TENM2: variants seen among roughly 807,000 people sequenced by gnomAD.
The protein encoded by TENM2 is teneurin-2.
In TENM2, 52 loss-of-function variants were observed where a neutral mutation model predicts 245.2. That is an observed-to-expected ratio of 0.21 (90% CI 0.17 to 0.27). The LOEUF (loss-of-function observed/expected upper bound fraction) is 0.27, where lower values mean the gene tolerates loss of function less well. TENM2 is among the 10% of genes least tolerant of loss of function. The probability of loss-of-function intolerance (pLI) is 1.00; values close to 1 mark genes in which losing one functional copy is unlikely to be tolerated. For synonymous variants in TENM2, 1,363 were observed against 1,438.9 expected (o/e 0.95, Z 1.19); for missense variants, 3,046 against 3,666.8 (o/e 0.83, Z 4.37).
chr5:167,719,528 T>C lies in TENM2; in HGVS notation c.503-156458T>C, dbSNP rs75711427. Among the ~76,000 whole-genome samples the C allele has an allele frequency of 0.012, 1,796 of 152,324 alleles. 57 individuals carry two copies. In the East Asian group the frequency reaches 0.12, roughly 10 times the overall value. Reference sequence around the variant, plus strand: ...AAGGAGGTAAAAGGTGAAGTGCATGTTTGATGAACTGAGAATGAGTGCAGA... The same window carrying C: ...AAGGAGGTAAAAGGTGAAGTGCATGCTTGATGAACTGAGAATGAGTGCAGA... On this transcript the variant is annotated intron_variant, in intron 2 of 28. Transcript: ENST00000518659.
In TENM2 at chr5:167,378,946, C is replaced by CA. The variant is rs553664650; in HGVS notation, c.502+3479dup. ...TCCAGAAAGGGAAAAAACAAAAAAA[C>CA]AAAAAACAAAGAAAATAAAGTTGGT... On this transcript the variant is annotated intron_variant, in intron 2 of 28. Transcript: ENST00000518659. Among the ~76,000 whole-genome samples, 332 of 121,946 alleles carry CA rather than the reference C, an allele frequency of 2.7e-3. 7 individuals carry two copies. The highest frequency in any genetic ancestry group is 0.021 in the Admixed American group (248 of 11,776). The allele number at this position is 121,946 out of a possible 152,430, so 80.0% of individuals were successfully genotyped here. A position where few individuals can be genotyped will look rare whatever the true frequency, so the allele number is the denominator to read the frequency against.
chr5:167,864,192 A>T (rs905828232), intron 2 of TENM2, among the ~76,000 whole-genome samples: 4 of 152,198 alleles, frequency 2.6e-5, no homozygotes, highest in African/African-American at 9.6e-5. Flanking sequence ...TCCCTAAAGC[A>T]CATAGCAAAA....
chr5:168,125,094 C>T (rs765851142), intron 11 of TENM2, 44 bp downstream of exon 13: 3 of 1,520,664 alleles, frequency 2.0e-6, no homozygotes, highest in Admixed American at 3.7e-5. Context: ...ACACTCCTGC[C>T]CTGTGTTCCA....
chr5:167,897,684 A>G (rs1166811209), intron 3 of TENM2, among the ~76,000 whole-genome samples: 1 of 152,174 alleles, frequency 6.6e-6, no homozygotes, highest in Non-Finnish European at 1.5e-5. Context: ...CCATAGTCTC[A>G]TTGGCACCCA....
intron 1 of TENM2, among the ~76,000 whole-genome samples, chr5:167,337,407 A>G (rs1274427889): frequency 6.6e-6 from 1 of 152,190 alleles, no homozygotes; most frequent in Non-Finnish European, 1.5e-5. Flanking sequence ...GTATATAGTA[A>G]CTATATAACA....
At chr5:168,179,160 GC>G (rs1419640010) in intron 13 of TENM2, among the ~76,000 whole-genome samples, 3 of 139,676 alleles carry the variant, frequency 2.1e-5, no homozygotes, top group Non-Finnish European at 4.6e-5. Context: ...AAAAAAAGAA[GC>G]TTTGAGGTAG....
chr5:167,005,185 G>A, the TENM2 span, among the ~76,000 whole-genome samples: 5 of 152,136 alleles, frequency 3.3e-5, no homozygotes, highest in Non-Finnish European at 1.5e-5. Flanking sequence ...TCTTCGTGGT[G>A]TCTTTCACTG....
At chr5:168,030,909 C>T (rs758254902) in intron 5 of TENM2, among the ~76,000 whole-genome samples, 28 of 152,074 alleles carry the variant, frequency 1.8e-4, no homozygotes, top group Non-Finnish European at 3.2e-4. Flanking sequence ...GTTGGGGGCT[C>T]GTCTTAAAAC....
chr5:168,190,445 A>G (rs1562262736), exon 14 of TENM2: 1 of 1,614,050 alleles, frequency 6.2e-7, no homozygotes, highest in South Asian at 1.1e-5. Context: ...CAGCAGGGCC[A>G]GACGGATTGG....
intron 1 of TENM2, among the ~76,000 whole-genome samples, chr5:167,297,177 T>C (rs1754991629): frequency 6.6e-6 from 1 of 152,270 alleles, no homozygotes; most frequent in East Asian, 1.9e-4. Context: ...ATACTTAGCA[T>C]AGTGACTTAG....
At chr5:167,734,103 G>A (rs1760631826) in intron 2 of TENM2, among the ~76,000 whole-genome samples, 1 of 152,156 alleles carries the variant, frequency 6.6e-6, no homozygotes, top group South Asian at 2.1e-4. Context: ...GGGATTTTCT[G>A]TAATTTAGGA....
intron 3 of TENM2, among the ~76,000 whole-genome samples, chr5:167,912,838 A>G (rs1336031774): frequency 2.0e-5 from 3 of 152,196 alleles, no homozygotes; most frequent in African/African-American, 7.2e-5. Context: ...AAGAGTAACT[A>G]GAGAGTGGGG....
chr5:167,451,842 G>A (rs571527348), intron 2 of TENM2, among the ~76,000 whole-genome samples: 86 of 152,072 alleles, frequency 5.7e-4, no homozygotes, highest in African/African-American at 2.0e-3. Flanking sequence ...GTAGAGACAG[G>A]GTTTCACAGT....
At chr5:167,431,977 A>ATACACACATATATATACATATATATG (rs1764284370) in intron 2 of TENM2, among the ~76,000 whole-genome samples, 2 of 144,618 alleles carry the variant, frequency 1.4e-5, no homozygotes, top group Non-Finnish European at 1.5e-5. Flanking sequence ...ATATATATAT[A>ATACACACATATATATACATATATATG]TGGAAGTTCA....
intron 25 of TENM2, among the ~76,000 whole-genome samples, chr5:168,232,079 A>C (rs1764975115): frequency 6.6e-6 from 1 of 152,226 alleles, no homozygotes; most frequent in South Asian, 2.1e-4. Context: ...AAAAGGAAAG[A>C]AAAGATCTCT....
At chr5:167,470,271 T>C (rs28697240) in intron 2 of TENM2, among the ~76,000 whole-genome samples, 3,509 of 152,162 alleles carry the variant, frequency 0.023, 96 homozygotes, top group African/African-American at 0.069. Flanking sequence ...CAGGAAGTTA[T>C]GTTTGTCTAT....
intron 27 of TENM2, among the ~76,000 whole-genome samples, chr5:168,254,513 AG>A (rs1210560356): frequency 6.6e-6 from 1 of 151,918 alleles, no homozygotes; most frequent in Non-Finnish European, 1.5e-5. Flanking sequence ...GGGGAGGAAG[AG>A]GAAGAAAGGG....
intron 2 of TENM2, among the ~76,000 whole-genome samples, chr5:167,408,941 A>AATAT (rs57319231): frequency 1.6e-4 from 23 of 146,678 alleles, no homozygotes; most frequent in East Asian, 9.9e-4. Flanking sequence ...TCCCAAATCT[A>AATAT]ATATATATAT....
At chr5:167,718,678 C>T (rs1759425239) in intron 2 of TENM2, among the ~76,000 whole-genome samples, 1 of 152,060 alleles carries the variant, frequency 6.6e-6, no homozygotes, top group African/African-American at 2.4e-5. Flanking sequence ...TATTATAGAT[C>T]GGGATTCATA....
Sources: gnomAD v4.1 joint callset for allele counts (sites outside exome capture counted in the v4.1 genomes callset) on GRCh38, gnomAD v4.1.1 for gene constraint, MANE v1.5 for transcripts, NCBI Gene and HGNC (gene_info 2026-07-23, HGNC 2026-07-21) for gene names.